The following SP8 variants were observed in gnomAD, a reference collection of about 807,000 sequenced individuals.
The protein encoded by SP8 is Sp8 transcription factor, also known as transcription factor Sp8.
Under a neutral mutation model 15.3 loss-of-function variants are expected in SP8, and 7 were observed. That is an observed-to-expected ratio of 0.46 (90% CI 0.26 to 0.86). The LOEUF (loss-of-function observed/expected upper bound fraction) is 0.86. SP8 is among the 40% of genes least tolerant of loss of function. SP8 has a pLI of 0.16. For synonymous variants in SP8, 415 were observed against 356.3 expected, an observed-to-expected ratio of 1.16 and a Z score of -1.86; for missense variants, 731 against 736.4, an observed-to-expected ratio of 0.99 and a Z score of 0.09.
In SP8 at chr7:20,784,399, T is replaced by G; in HGVS notation, c.1418A>C (p.Lys473Thr). The G allele has an allele frequency of 1.3e-6, 2 of 1,527,446 alleles. No individual in the cohort carries two copies. 94.6% of individuals were successfully genotyped at this position (1,527,446 alleles called of 1,614,324 possible). Reference sequence around the variant, plus strand: ...CTCGCTGTCGGTGTCGCTGCCCTTCTTGCCGCCGCTGCCCGAGCCCGCCGA... The same window carrying G: ...CTCGCTGTCGGTGTCGCTGCCCTTCGTGCCGCCGCTGCCCGAGCCCGCCGA... ...GGSAGSGSGG[K>T]KGSDTDSEHS... The change falls in exon 2 of 2, where the codon AAG (lysine) becomes ACG (threonine). Residue 473 changes from lysine (K) to threonine (T), a missense_variant. Lys to Thr is a moderately conservative substitution (Grantham distance 78, BLOSUM62 -1). Coordinates refer to ENST00000418710, the MANE Select transcript of SP8 (RefSeq NM_182700.6).
Position 20,783,420 on chromosome 7 carries a change from G to A in SP8, c.*870C>T, listed in dbSNP as rs1162729775. 3.3e-3 allele frequency: 2 copies of A among 598 alleles called. No homozygotes were observed. Among genetic ancestry groups the A allele is most frequent in the African/African-American group, 0.022 (1 of 46 alleles). 0.0% of individuals were successfully genotyped at this position (598 alleles called of 1,614,324 possible). On this transcript the variant is annotated 3_prime_UTR_variant, in exon 2 of 2. Coordinates refer to ENST00000418710, the MANE Select transcript of SP8 (RefSeq NM_182700.6). ...GGGATCAATATTAGCAGTTTCGAGA[G>A]AAAGATTGCTCCCCGTTAGAGGAAA...
chr7:20,786,675 G>T lies in SP8; in HGVS notation c.21+103C>A. ...AGAAAAAAAAAAAAAGCTCTCAATA[G>T]AGAGACTGATAGCCCGTGGCCTGGC... On this transcript the variant is annotated intron_variant, in intron 1 of 1. Coordinates refer to ENST00000418710, the MANE Select transcript of SP8 (RefSeq NM_182700.6). This position sits in a 1 kb window ranked among gnomAD's most constrained non-coding sequence, Gnocchi z 4.4. 3.2e-6 allele frequency: 3 copies of T among 924,590 alleles called. No individual in the cohort carries two copies. Among genetic ancestry groups the T allele is most frequent in the Non-Finnish European group, 3.6e-6 (2 of 557,562 alleles). 57.3% of individuals were successfully genotyped at this position (924,590 alleles called of 1,614,324 possible).
rs749177478 is a variant in SP8, at chr7:20,785,544, C to T, written c.273G>A (p.Ala91=). 5 of 1,434,646 alleles carry T rather than the reference C, an allele frequency of 3.5e-6. No individual in the cohort carries two copies. In the East Asian group the frequency reaches 8.9e-5, roughly 25 times the overall value. 88.9% of individuals were successfully genotyped at this position (1,434,646 alleles called of 1,614,324 possible). A position where few individuals can be genotyped will look rare whatever the true frequency, so the allele number is the denominator to read the frequency against. Residue 91 remains alanine (A), a synonymous_variant, in exon 2 of 2, where the codon GCG becomes GCA. Transcript: ENST00000418710. This position sits in a 1 kb window ranked among gnomAD's most constrained non-coding sequence, Gnocchi z 7.2. ...GGGCCGCGGCAGCCGCGGCTGCTGC[C>T]GCGGCCGCCGCAGCCGCCGAGGACG... is the stretch of plus-strand genomic sequence containing the variant. ...GGSSSAAAAA[A]AAAAAAAALV...
Position 20,785,852 on chromosome 7 carries a change from G to T in SP8, c.22-57C>A. 1.3e-6 allele frequency: 2 copies of T among 1,530,178 alleles called. No homozygotes were observed. The highest frequency in any genetic ancestry group is 2.3e-5 in the East Asian group (1 of 43,004). The allele number at this position is 1,530,178 out of a possible 1,614,324, so 94.8% of individuals were successfully genotyped here. A position where few individuals can be genotyped will look rare whatever the true frequency, so the allele number is the denominator to read the frequency against. On this transcript the variant is annotated intron_variant, in intron 1 of 1. Transcript: ENST00000418710. This position sits in a 1 kb window ranked among gnomAD's most constrained non-coding sequence, Gnocchi z 7.2. Reference sequence around the variant, plus strand: ...GGGGAGGTGGGCAAAGGGCCGGTGGGGGAGGAAAGGAAGAAATGTGCATCA... The same window carrying T: ...GGGGAGGTGGGCAAAGGGCCGGTGGTGGAGGAAAGGAAGAAATGTGCATCA...
chr7:20,785,834 TG>T lies in SP8; in HGVS notation c.22-40del. 1 of 897,050 alleles carries T rather than the reference TG, an allele frequency of 1.1e-6. No homozygotes were observed. Among genetic ancestry groups the T allele is most frequent in the Non-Finnish European group, 1.6e-6 (1 of 629,626 alleles). The allele number at this position is 897,050 out of a possible 1,614,324, so 55.6% of individuals were successfully genotyped here. On this transcript the variant is annotated intron_variant, in intron 1 of 1. Coordinates refer to ENST00000418710, the MANE Select transcript of SP8 (RefSeq NM_182700.6). The surrounding 1 kb of genome is among the most constrained non-coding windows in gnomAD (Gnocchi z 7.2). ...AGGAGAAGGAGTGGGGGAGGGGAGG[TG>T]GGCAAAGGGCCGGTGGGGGAGGAAA...
chr7:20,786,096 CA>C lies in SP8; in HGVS notation c.22-302del, dbSNP rs1384384143. 8.9e-7 allele frequency: 1 copy of C among 1,128,704 alleles called. No homozygotes were observed. The highest frequency in any genetic ancestry group is 1.1e-6 in the Non-Finnish European group (1 of 886,164). The allele number at this position is 1,128,704 out of a possible 1,614,324, so 69.9% of individuals were successfully genotyped here. A position where few individuals can be genotyped will look rare whatever the true frequency, so the allele number is the denominator to read the frequency against. On this transcript the variant is annotated intron_variant, in intron 1 of 1. Coordinates refer to ENST00000418710, the MANE Select transcript of SP8 (RefSeq NM_182700.6). This position sits in a 1 kb window ranked among gnomAD's most constrained non-coding sequence, Gnocchi z 4.4. ...ACCTAAAACAACACTCTCTTGCACA[CA>C]AAGCCCCAGACACTTCGTAACAAAC... is the stretch of plus-strand genomic sequence containing the variant.
Position 20,784,531 on chromosome 7 carries a change from G to A in SP8, c.1286C>T (p.Thr429Ile). Residue 429 changes from threonine to isoleucine, a missense_variant, in exon 2 of 2, where the codon ACC (threonine) becomes ATC (isoleucine). Around this residue, in one of 3 missense-constraint regions of SP8, gnomAD observed 31 missense variants for 99.6 expected, o/e 0.31. Coordinates refer to ENST00000418710, the MANE Select transcript of SP8 (RefSeq NM_182700.6). ...DELQRHLRTH[T>I]GEKRFACPVC... is the part of the protein sequence containing the mutation. Reference sequence around the variant, plus strand: ...TGGACAGGCGAAGCGCTTCTCGCCGGTGTGGGTCCGCAGGTGCCGCTGCAG... The same window carrying A: ...TGGACAGGCGAAGCGCTTCTCGCCGATGTGGGTCCGCAGGTGCCGCTGCAG... The A allele has an allele frequency of 6.3e-7, 1 of 1,581,292 alleles. No homozygotes were observed.
In SP8 at chr7:20,785,939, C is replaced by T; in HGVS notation, c.22-144G>A. On this transcript the variant is annotated intron_variant, in intron 1 of 1. Transcript: ENST00000418710. The surrounding 1 kb of genome is among the most constrained non-coding windows in gnomAD (Gnocchi z 7.2). ...CATCTCTCGCTGCGGCGCGCCGCCA[C>T]CAACTCACCTGGCACCCCCAACAGC... 1 of 1,465,922 alleles carries T rather than the reference C, an allele frequency of 6.8e-7. No individual in the cohort carries two copies. The highest frequency in any genetic ancestry group is 9.0e-7 in the Non-Finnish European group (1 of 1,105,334). 90.8% of individuals were successfully genotyped at this position (1,465,922 alleles called of 1,614,324 possible).
In SP8 at chr7:20,784,556, G is replaced by C; in HGVS notation, c.1261C>G (p.Leu421Val). Reference sequence around the variant, plus strand: ...GTGTGGGTCCGCAGGTGCCGCTGCAGCTCGTCGGAGCGCGTGAAGCGCTTG... The same window carrying C: ...GTGTGGGTCCGCAGGTGCCGCTGCACCTCGTCGGAGCGCGTGAAGCGCTTG... ...CGKRFTRSDELQRHLRTHTGE... is the reference protein window; with the variant it reads ...CGKRFTRSDEVQRHLRTHTGE... Residue 421 changes from leucine (L) to valine (V), a missense_variant, in exon 2 of 2, where the codon CTG becomes GTG. By Grantham distance (32) the Leu-to-Val change is conservative. Around this residue, in one of 3 missense-constraint regions of SP8, gnomAD observed 31 missense variants for 99.6 expected, o/e 0.31. Coordinates refer to ENST00000418710, the MANE Select transcript of SP8 (RefSeq NM_182700.6). 6.3e-7 allele frequency: 1 copy of C among 1,596,232 alleles called. No homozygotes were observed. Among genetic ancestry groups the C allele is most frequent in the Non-Finnish European group, 8.5e-7 (1 of 1,172,820 alleles).
At position 20,784,992 on chromosome 7, in the gene SP8, G is replaced by T; in HGVS notation, c.825C>A (p.Gly275=). 6.3e-7 allele frequency: 1 copy of T among 1,575,398 alleles called. No individual in the cohort carries two copies. The highest frequency in any genetic ancestry group is 8.6e-7 in the Non-Finnish European group (1 of 1,166,994). Reference sequence around the variant, plus strand: ...CGCTGCTGAAGGCCGAGTGACTCAGGCCCGAGTAATCCGAGTTGTAGCCTC... The same window carrying T: ...CGCTGCTGAAGGCCGAGTGACTCAGTCCCGAGTAATCCGAGTTGTAGCCTC... ...PLGGYNSDYS[G]LSHSAFSSGA... is the part of the protein sequence containing the mutation. The change falls in exon 2 of 2, where the codon GGC becomes GGA. Residue 275 remains glycine (G), a synonymous_variant. Coordinates refer to ENST00000418710, the MANE Select transcript of SP8 (RefSeq NM_182700.6).
rs1384301026 is a variant in SP8 at position 20,786,349 on chromosome 7, A to G, written c.21+429T>C. On this transcript the variant is annotated intron_variant, in intron 1 of 1. Transcript: ENST00000418710. The surrounding 1 kb of genome is among the most constrained non-coding windows in gnomAD (Gnocchi z 4.4). ...TTTCTTTCTTTCTTTTTTTAAAAGC[A>G]TATCTACAGTAGTAAAAACGAGACG... Among the ~76,000 whole-genome samples the G allele has an allele frequency of 1.3e-5, 2 of 152,132 alleles. No individual in the cohort carries two copies. The highest frequency in any genetic ancestry group is 2.1e-4 in the South Asian group (1 of 4,828).
At position 20,785,870 on chromosome 7, in the gene SP8, G is replaced by A. The variant is rs950272757; in HGVS notation, c.22-75C>T. 6.6e-7 allele frequency: 1 copy of A among 1,507,528 alleles called. No individual in the cohort carries two copies. Among genetic ancestry groups the A allele is most frequent in the Non-Finnish European group, 9.0e-7 (1 of 1,111,004 alleles). The allele number at this position is 1,507,528 out of a possible 1,614,324, so 93.4% of individuals were successfully genotyped here. Reference sequence around the variant, plus strand: ...CCGGTGGGGGAGGAAAGGAAGAAATGTGCATCAGTCCTTCGGTAGCCTCCA... The same window carrying A: ...CCGGTGGGGGAGGAAAGGAAGAAATATGCATCAGTCCTTCGGTAGCCTCCA... On this transcript the variant is annotated intron_variant, in intron 1 of 1. Transcript: ENST00000418710. The surrounding 1 kb of genome is among the most constrained non-coding windows in gnomAD (Gnocchi z 7.2).
At position 20,782,823 on chromosome 7, in the gene SP8, C is replaced by A. The variant is rs1783535869; in HGVS notation, c.*1467G>T. 6.7e-6 allele frequency: 1 copy of A among 148,256 alleles called. No individual in the cohort carries two copies. Among genetic ancestry groups the A allele is most frequent in the African/African-American group, 2.4e-5 (1 of 40,850 alleles). 9.2% of individuals were successfully genotyped at this position (148,256 alleles called of 1,614,324 possible). A position where few individuals can be genotyped will look rare whatever the true frequency, so the allele number is the denominator to read the frequency against. On this transcript the variant is annotated 3_prime_UTR_variant, in exon 2 of 2. Transcript: ENST00000418710. ...CAGCTCATCAGAACTGCAACAATAA[C>A]TCTTAATATTTTCTTGTGACAAAAA...
At position 20,784,663 on chromosome 7, in the gene SP8, T is replaced by C; in HGVS notation, c.1154A>G (p.Tyr385Cys). The change falls in exon 2 of 2, where the codon TAC becomes TGC. Residue 385 changes from tyrosine to cysteine, a missense_variant. Coordinates refer to ENST00000418710, the MANE Select transcript of SP8 (RefSeq NM_182700.6). ...CGCCTTGAGGTGCGAAGTCTTGCCG[T>C]ACACCTTGCCGCAGCCCGGGATGTG... is the stretch of plus-strand genomic sequence containing the variant. ...SCHIPGCGKV[Y>C]GKTSHLKAHL... 1 of 1,609,742 alleles carries C rather than the reference T, an allele frequency of 6.2e-7. No individual in the cohort carries two copies. The highest frequency in any genetic ancestry group is 8.5e-7 in the Non-Finnish European group (1 of 1,178,972).
In SP8 at chr7:20,786,881, T is replaced by G; in HGVS notation, c.-83A>C. On this transcript the variant is annotated 5_prime_UTR_variant, in exon 1 of 2. Transcript: ENST00000418710. The surrounding 1 kb of genome is among the most constrained non-coding windows in gnomAD (Gnocchi z 4.4). ...CAGTGTTTTTTTTAGAGGTGTGCAA[T>G]ACAATGATCAGTTCCGCCCATTCCA... 1 of 1,129,708 alleles carries G rather than the reference T, an allele frequency of 8.9e-7. No homozygotes were observed. The allele number at this position is 1,129,708 out of a possible 1,614,324, so 70.0% of individuals were successfully genotyped here. A position where few individuals can be genotyped will look rare whatever the true frequency, so the allele number is the denominator to read the frequency against.
chr7:20,786,122 CA>C lies in SP8; in HGVS notation c.22-328del. On this transcript the variant is annotated intron_variant, in intron 1 of 1. Coordinates refer to ENST00000418710, the MANE Select transcript of SP8 (RefSeq NM_182700.6). This position sits in a 1 kb window ranked among gnomAD's most constrained non-coding sequence, Gnocchi z 4.4. ...AAAGCCCCAGACACTTCGTAACAAA[CA>C]AGCAAAAAGTCCAGATTGGAGAGGA... 1 of 856,250 alleles carries C rather than the reference CA, an allele frequency of 1.2e-6. No individual in the cohort carries two copies. The highest frequency in any genetic ancestry group is 1.5e-6 in the Non-Finnish European group (1 of 682,118). The allele number at this position is 856,250 out of a possible 1,614,324, so 53.0% of individuals were successfully genotyped here.
rs1054579751 is a variant in SP8, at chr7:20,785,920, T to G, written c.22-125A>C. 35 of 1,458,600 alleles carry G rather than the reference T, an allele frequency of 2.4e-5. No individual in the cohort carries two copies. The highest frequency in any genetic ancestry group is 3.2e-5 in the Non-Finnish European group (35 of 1,099,430). 90.4% of individuals were successfully genotyped at this position (1,458,600 alleles called of 1,614,324 possible). Reference sequence around the variant, plus strand: ...AAAGCGCCCCACTGCACCCCATCTCTCGCTGCGGCGCGCCGCCACCAACTC... The same window carrying G: ...AAAGCGCCCCACTGCACCCCATCTCGCGCTGCGGCGCGCCGCCACCAACTC... On this transcript the variant is annotated intron_variant, in intron 1 of 1. Coordinates refer to ENST00000418710, the MANE Select transcript of SP8 (RefSeq NM_182700.6). This position sits in a 1 kb window ranked among gnomAD's most constrained non-coding sequence, Gnocchi z 7.2.
At position 20,786,702 on chromosome 7, in the gene SP8, G is replaced by A; in HGVS notation, c.21+76C>T. On this transcript the variant is annotated intron_variant, in intron 1 of 1. Coordinates refer to ENST00000418710, the MANE Select transcript of SP8 (RefSeq NM_182700.6). The surrounding 1 kb of genome is among the most constrained non-coding windows in gnomAD (Gnocchi z 4.4). ...GAGACTGATAGCCCGTGGCCTGGCCGGGGCGACTTTAACCCCCTCCAATCG... is the reference window on the plus strand; with the variant it reads ...GAGACTGATAGCCCGTGGCCTGGCCAGGGCGACTTTAACCCCCTCCAATCG... The A allele has an allele frequency of 4.6e-6, 6 of 1,299,460 alleles. No homozygotes were observed. The highest frequency in any genetic ancestry group is 1.5e-5 in the African/African-American group (1 of 68,606). 80.5% of individuals were successfully genotyped at this position (1,299,460 alleles called of 1,614,324 possible). A position where few individuals can be genotyped will look rare whatever the true frequency, so the allele number is the denominator to read the frequency against.
In SP8 at chr7:20,784,847, T is replaced by A; in HGVS notation, c.970A>T (p.Met324Leu). Residue 324 changes from methionine (M) to leucine (L), a missense_variant, in exon 2 of 2, where the codon ATG becomes TTG. Transcript: ENST00000418710. ...PSPLAGAGGS[M>L]LSAGPSAPLG... Reference sequence around the variant, plus strand: ...GGCGCCGAAGGCCCAGCGCTCAACATGGAGCCCCCCGCGCCGGCCAGCGGC... The same window carrying A: ...GGCGCCGAAGGCCCAGCGCTCAACAAGGAGCCCCCCGCGCCGGCCAGCGGC... 6.6e-7 allele frequency: 1 copy of A among 1,525,794 alleles called. No individual in the cohort carries two copies. The highest frequency in any genetic ancestry group is 8.7e-7 in the Non-Finnish European group (1 of 1,142,924). The allele number at this position is 1,525,794 out of a possible 1,614,324, so 94.5% of individuals were successfully genotyped here. A position where few individuals can be genotyped will look rare whatever the true frequency, so the allele number is the denominator to read the frequency against.
Sources: allele counts gnomAD v4.1 joint callset (sites outside exome capture counted in the v4.1 genomes callset), GRCh38; gene constraint gnomAD v4.1.1; regional missense constraint gnomAD v4.1.1; non-coding constraint Gnocchi (gnomAD v3.1); transcripts MANE v1.5; gene names NCBI Gene and HGNC (gene_info 2026-07-23, HGNC 2026-07-21).